The following SYT1 variants were observed in gnomAD, a reference collection of about 807,000 sequenced individuals.
The protein encoded by SYT1 is synaptotagmin 1, also known as synaptotagmin-1.
In SYT1, 8 loss-of-function variants were observed where a neutral mutation model predicts 44.8. The observed-to-expected ratio is 0.18, with a 90% CI of 0.10 to 0.32. The LOEUF (loss-of-function observed/expected upper bound fraction) is 0.32. Among genes scored for constraint, SYT1 ranks in the 10% least tolerant of loss-of-function variants. The pLI is 1.00. For missense variants in SYT1, 286 were observed against 509.3 expected (o/e 0.56, Z 4.22); for synonymous variants, 154 against 188.8 (o/e 0.82, Z 1.51).
chr12:79,010,945 G>C (rs753937613), intron 2 of SYT1, among the ~76,000 whole-genome samples: 1 of 152,140 alleles, frequency 6.6e-6, no homozygotes, highest in Non-Finnish European at 1.5e-5. Flanking sequence ...TCCCCTCAAA[G>C]GGAAGGAAGG....
intron 3 of SYT1, among the ~76,000 whole-genome samples, chr12:79,187,117 CT>C (rs1229349773): frequency 5.3e-5 from 8 of 152,024 alleles, no homozygotes; most frequent in Non-Finnish European, 1.0e-4. Context: ...TCTACACCCC[CT>C]TACAGCACAA....
intron 9 of SYT1, among the ~76,000 whole-genome samples, chr12:79,388,747 T>G (rs17005541): frequency 0.018 from 2,768 of 152,096 alleles, 137 homozygotes; most frequent in East Asian, 0.16. Context: ...TGGTAGAAGT[T>G]TCTAAGCAGG....
intron 2 of SYT1, among the ~76,000 whole-genome samples, chr12:79,014,945 G>C (rs1871701362): frequency 6.7e-6 from 1 of 150,236 alleles, no homozygotes; most frequent in South Asian, 2.1e-4. Context: ...ATCATTCTCA[G>C]TAAACTATCG....
At chr12:79,321,448 G>A (rs991686046) in intron 8 of SYT1, among the ~76,000 whole-genome samples, 1 of 152,156 alleles carries the variant, frequency 6.6e-6, no homozygotes, top group Non-Finnish European at 1.5e-5. Context: ...AAGGTTTCCT[G>A]AAAAAGTGAT....
At chr12:79,006,562 G>T (rs1159470406) in intron 2 of SYT1, among the ~76,000 whole-genome samples, 1 of 152,024 alleles carries the variant, frequency 6.6e-6, no homozygotes, top group African/African-American at 2.4e-5. Flanking sequence ...ATAAGTATTT[G>T]GTGCCATCTT....
intron 3 of SYT1, among the ~76,000 whole-genome samples, chr12:79,212,722 G>A (rs1263159751): frequency 6.6e-6 from 1 of 152,060 alleles, no homozygotes; most frequent in African/African-American, 2.4e-5. Flanking sequence ...TCCATTTACT[G>A]GCAAATAGAT....
chr12:79,321,035 C>A (rs1163784117), intron 8 of SYT1, among the ~76,000 whole-genome samples: 2 of 152,142 alleles, frequency 1.3e-5, no homozygotes, highest in Non-Finnish European at 2.9e-5. Flanking sequence ...TTTTGTGATT[C>A]TAGTTGCTGT....
At chr12:79,056,436 G>T (rs1874950172) in intron 3 of SYT1, among the ~76,000 whole-genome samples, 1 of 152,032 alleles carries the variant, frequency 6.6e-6, no homozygotes, top group African/African-American at 2.4e-5. Flanking sequence ...CTTCCAGAAA[G>T]GTGGAGAGTA....
chr12:79,434,287 AT>A (rs1474133458), intron 9 of SYT1, among the ~76,000 whole-genome samples: 2 of 152,204 alleles, frequency 1.3e-5, no homozygotes, highest in African/African-American at 4.8e-5. Flanking sequence ...TCATTTTTAA[AT>A]TGTGTGTTTA....
intron 8 of SYT1, among the ~76,000 whole-genome samples, chr12:79,333,372 A>G (rs1881945323): frequency 6.6e-6 from 1 of 152,022 alleles, no homozygotes; most frequent in Non-Finnish European, 1.5e-5. Context: ...TCATCACCTA[A>G]TCACCTCCCA....
At chr12:79,348,994 A>AGAAG (rs1565919717) in intron 8 of SYT1, among the ~76,000 whole-genome samples, 76 of 80,486 alleles carry the variant, frequency 9.4e-4, no homozygotes, top group African/African-American at 3.5e-3. Context: ...AAAGAAAGAG[A>AGAAG]GAAGGAAAGA....
At chr12:79,249,490 A>G (rs535560140) in intron 4 of SYT1, among the ~76,000 whole-genome samples, 1 of 152,312 alleles carries the variant, frequency 6.6e-6, no homozygotes, top group East Asian at 1.9e-4. Context: ...GACAGACTCT[A>G]AAGGACATAC....
chr12:79,421,862 T>G (rs544418540), intron 9 of SYT1, among the ~76,000 whole-genome samples: 87 of 152,240 alleles, frequency 5.7e-4, no homozygotes, highest in African/African-American at 2.0e-3. Context: ...GAACATGGTA[T>G]GTTCTTTCAA....
intron 4 of SYT1, among the ~76,000 whole-genome samples, chr12:79,281,050 G>A (rs1460872316): frequency 6.6e-6 from 1 of 151,516 alleles, no homozygotes; most frequent in Non-Finnish European, 1.5e-5. Flanking sequence ...CACTGTTGAT[G>A]TATTAGGTAA....
rs932677503 is a variant in SYT1 at position 79,180,240 on chromosome 12, T to C, written c.-17-37263T>C. ...AATATGAACAATATTAATTAACTAA[T>C]ATTAAAAAATAAAGAGCTTTTCTAG... On this transcript the variant is annotated intron_variant, in intron 3 of 10. Transcript: ENST00000261205. Among the ~76,000 whole-genome samples, 3 of 152,130 alleles carry C rather than the reference T, an allele frequency of 2.0e-5. No homozygotes were observed. In the South Asian group the frequency reaches 6.2e-4, roughly 32 times the overall value.
chr12:79,064,975 A>AGAAAGAAAGAAAGAAGGAAG (rs1555194763), intron 3 of SYT1, among the ~76,000 whole-genome samples: 4 of 149,200 alleles, frequency 2.7e-5, no homozygotes, highest in African/African-American at 1.0e-4. Context: ...AAAGAAAGAA[A>AGAAAGAAAGAAAGAAGGAAG]GAAAGAAAGA....
At chr12:79,208,702 A>T (rs903023480) in intron 3 of SYT1, among the ~76,000 whole-genome samples, 1 of 152,176 alleles carries the variant, frequency 6.6e-6, no homozygotes. Flanking sequence ...TGAGCATGCA[A>T]TATTTCCTTC....
At chr12:79,271,140 C>T (rs1878400000) in intron 4 of SYT1, among the ~76,000 whole-genome samples, 1 of 152,162 alleles carries the variant, frequency 6.6e-6, no homozygotes, top group African/African-American at 2.4e-5. Context: ...AATGTATACT[C>T]TGCAACACCC....
In SYT1 at chr12:79,187,353, T is replaced by C. The variant is rs117756072; in HGVS notation, c.-17-30150T>C. Among the ~76,000 whole-genome samples the C allele has an allele frequency of 3.3e-3, 497 of 152,218 alleles. 1 individual carries two copies. Among genetic ancestry groups the C allele is most frequent in the Non-Finnish European group, 5.7e-3 (388 of 67,978 alleles). ...GAGCACTGGAATAATTCTCTCATCA[T>C]CTTGCCACAGGTATCGTCCAGAAAG... On this transcript the variant is annotated intron_variant, in intron 3 of 10. Coordinates refer to ENST00000261205, the MANE Select transcript of SYT1 (RefSeq NM_005639.3).
Sources: allele counts gnomAD v4.1 joint callset (sites outside exome capture counted in the v4.1 genomes callset), GRCh38; gene constraint gnomAD v4.1.1; transcripts MANE v1.5; gene names NCBI Gene and HGNC (gene_info 2026-07-23, HGNC 2026-07-21).